The following PRKD1 variants were observed in gnomAD, a reference collection of about 807,000 sequenced individuals.
PRKD1 encodes protein kinase D1.
In PRKD1, 63 loss-of-function variants were observed where a neutral mutation model predicts 95.9. That is an observed-to-expected ratio of 0.66 (90% CI 0.54 to 0.81). PRKD1 has a LOEUF of 0.81. PRKD1 is among the 30% of genes least tolerant of loss of function. The pLI is 0.00. For missense variants in PRKD1, 1,048 were observed against 1,165.3 expected, an observed-to-expected ratio of 0.90 and a Z score of 1.47; for synonymous variants, 425 against 423.1, an observed-to-expected ratio of 1.00 and a Z score of -0.05.
chr14:29,860,304 T>C (rs1323489776), intron 1 of PRKD1, among the ~76,000 whole-genome samples: 1 of 152,224 alleles, frequency 6.6e-6, no homozygotes, highest in Non-Finnish European at 1.5e-5. Flanking sequence ...AGCAAGCAAA[T>C]GGCTACACTT....
At chr14:29,638,015 G>A (rs45464499) in intron 6 of PRKD1, among the ~76,000 whole-genome samples, 2,438 of 152,164 alleles carry the variant, frequency 0.016, 74 homozygotes, top group African/African-American at 0.055. Flanking sequence ...GCAGTCCTTC[G>A]AAGTTAATTT....
intron 2 of PRKD1, among the ~76,000 whole-genome samples, chr14:29,711,635 G>T (rs186192863): frequency 2.0e-5 from 3 of 152,040 alleles, no homozygotes; most frequent in Non-Finnish European, 4.4e-5. Context: ...CAAGCAAAAC[G>T]TATCAATCAT....
chr14:29,783,387 C>G (rs1369888798), intron 1 of PRKD1, among the ~76,000 whole-genome samples: 2 of 152,092 alleles, frequency 1.3e-5, no homozygotes, highest in South Asian at 2.1e-4. Flanking sequence ...TTTTCTTTAT[C>G]CGTTCATCCG....
chr14:29,876,600 T>C (rs574785377), intron 1 of PRKD1, among the ~76,000 whole-genome samples: 2 of 151,748 alleles, frequency 1.3e-5, no homozygotes, highest in South Asian at 4.2e-4. Context: ...AAGGCCATTA[T>C]CATGACAGTG....
chr14:29,888,329 A>G (rs565981371), intron 1 of PRKD1, among the ~76,000 whole-genome samples: 1 of 152,130 alleles, frequency 6.6e-6, no homozygotes, highest in South Asian at 2.1e-4. Flanking sequence ...GAAAGAAAAG[A>G]AAGGAAAGAA....
chr14:29,743,585 T>C (rs1887080039), intron 1 of PRKD1, among the ~76,000 whole-genome samples: 1 of 152,000 alleles, frequency 6.6e-6, no homozygotes, highest in Non-Finnish European at 1.5e-5. Context: ...AACACAACAA[T>C]CAAAATTCAG....
At chr14:29,658,403 G>C (rs1882012862) in intron 4 of PRKD1, among the ~76,000 whole-genome samples, 1 of 152,086 alleles carries the variant, frequency 6.6e-6, no homozygotes, top group Non-Finnish European at 1.5e-5. Flanking sequence ...TTCTTACTTA[G>C]GCCCTTAATT....
intron 2 of PRKD1, among the ~76,000 whole-genome samples, chr14:29,674,147 A>T (rs918679157): frequency 4.6e-5 from 7 of 151,786 alleles, no homozygotes; most frequent in African/African-American, 1.4e-4. Flanking sequence ...GTTATTATTA[A>T]TAATAATAAT....
At chr14:29,853,861 A>G (rs1224273447) in intron 1 of PRKD1, among the ~76,000 whole-genome samples, 1 of 152,134 alleles carries the variant, frequency 6.6e-6, no homozygotes, top group Non-Finnish European at 1.5e-5. Context: ...TGATGGTTTT[A>G]AAAACAGGAG....
chr14:29,724,420 C>T (rs1194291394), intron 2 of PRKD1, among the ~76,000 whole-genome samples: 1 of 152,110 alleles, frequency 6.6e-6, no homozygotes, highest in South Asian at 2.1e-4. Flanking sequence ...AACAACATGT[C>T]TAGTCCGTAG....
intron 1 of PRKD1, among the ~76,000 whole-genome samples, chr14:29,735,923 G>C (rs45481391): frequency 6.6e-6 from 1 of 152,084 alleles, no homozygotes; most frequent in African/African-American, 2.4e-5. Flanking sequence ...AAATTAGGTA[G>C]AATAATACCA....
chr14:29,619,929 C>T (rs2139075922), intron 13 of PRKD1, among the ~76,000 whole-genome samples: 1 of 152,086 alleles, frequency 6.6e-6, no homozygotes, highest in East Asian at 1.9e-4. Flanking sequence ...AACTATACTA[C>T]AAGGCTACAG....
intron 1 of PRKD1, among the ~76,000 whole-genome samples, chr14:29,884,106 AG>A (rs1893611136): frequency 6.6e-6 from 1 of 152,246 alleles, no homozygotes. Context: ...TTTACTTAAA[AG>A]TTTGTACATA....
Position 29,630,938 on chromosome 14 carries a change from G to C in PRKD1, c.1476C>G (p.Phe492Leu). 1 of 1,613,986 alleles carries C rather than the reference G, an allele frequency of 6.2e-7. No homozygotes were observed. Among genetic ancestry groups the C allele is most frequent in the Non-Finnish European group, 8.5e-7 (1 of 1,179,968 alleles). The change falls in exon 10 of 18, where the codon TTC (phenylalanine) becomes TTG (leucine). Residue 492 changes from phenylalanine (F) to leucine (L), a missense_variant. By Grantham distance (22) the Phe-to-Leu change is conservative (BLOSUM62 0). Transcript: ENST00000331968. ...LIPNGANPHC[F>L]EITTANVVYY... ...ACACTACATTTGCCGTAGTGATTTC[G>C]AAACAATGAGGATTGGCCCCATTAG...
At chr14:29,831,268 G>A (rs1227419574) in intron 1 of PRKD1, among the ~76,000 whole-genome samples, 1 of 152,032 alleles carries the variant, frequency 6.6e-6, no homozygotes, top group Non-Finnish European at 1.5e-5. Context: ...AAGCTACACA[G>A]CTACAAAAGC....
chr14:29,740,739 TC>T (rs1440845008), intron 1 of PRKD1, among the ~76,000 whole-genome samples: 1 of 152,152 alleles, frequency 6.6e-6, no homozygotes, highest in Non-Finnish European at 1.5e-5. Context: ...GACCCAGCAA[TC>T]CCATTACTGG....
At chr14:29,581,497 T>A (rs1163431914) in intron 16 of PRKD1, among the ~76,000 whole-genome samples, 2 of 152,088 alleles carry the variant, frequency 1.3e-5, no homozygotes, top group African/African-American at 4.8e-5. Flanking sequence ...TGTAAGTTGG[T>A]CAAAGTCAGA....
chr14:29,860,072 T>C lies in PRKD1; in HGVS notation c.264+67177A>G, dbSNP rs560721379. On this transcript the variant is annotated intron_variant, in intron 1 of 17. Transcript: ENST00000331968. ...TTCCTAGAGACTTAAGGGCAAAAGG[T>C]TGCAAGGCTTAAGTAGTAGTTTTGA... is the stretch of plus-strand genomic sequence containing the variant. Among the ~76,000 whole-genome samples, 3 of 152,342 alleles carry C rather than the reference T, an allele frequency of 2.0e-5. No homozygotes were observed. The East Asian group carries it at 5.8e-4, about 29-fold the overall frequency.
chr14:29,640,982 A>T (rs774751368), intron 4 of PRKD1, among the ~76,000 whole-genome samples: 1 of 152,218 alleles, frequency 6.6e-6, no homozygotes, highest in Non-Finnish European at 1.5e-5. Flanking sequence ...TTTTCTTTTC[A>T]TCCAACACAA....
Sources: allele counts gnomAD v4.1 joint callset (sites outside exome capture counted in the v4.1 genomes callset), GRCh38; gene constraint gnomAD v4.1.1; transcripts MANE v1.5; gene names NCBI Gene and HGNC (gene_info 2026-07-23, HGNC 2026-07-21).